The following REC114 variants were observed in gnomAD, a reference collection of about 807,000 sequenced individuals.
The protein encoded by REC114 is REC114 meiotic recombination protein.
A neutral mutation model predicts 31.3 loss-of-function variants in REC114; 27 were observed. The ratio of observed to expected loss-of-function variants is 0.86; its 90% confidence interval spans 0.64 to 1.19. REC114 has a LOEUF of 1.19. Ranked by LOEUF, REC114 falls within the 50% of genes most tolerant of loss-of-function variation. The pLI is 0.00. For synonymous variants in REC114, 134 were observed against 127.7 expected (o/e 1.05, Z -0.33); for missense variants, 344 against 326.9 (o/e 1.05, Z -0.40).
chr15:73,558,621 T>C (rs1042556308), intron 5 of REC114, among the ~76,000 whole-genome samples: 3 of 152,212 alleles, frequency 2.0e-5, no homozygotes, highest in Admixed American at 6.5e-5. Flanking sequence ...TGCAAACTTA[T>C]TAGAATGCCT....
At chr15:73,542,311 A>G (rs748268560) in intron 3 of REC114, among the ~76,000 whole-genome samples, 34 of 148,820 alleles carry the variant, frequency 2.3e-4, no homozygotes, top group Non-Finnish European at 4.6e-4. Context: ...AGCATGGGCA[A>G]CAGAGCAAGA....
chr15:73,479,332 A>T (rs1893261250), intron 2 of REC114, among the ~76,000 whole-genome samples: 1 of 150,282 alleles, frequency 6.7e-6, no homozygotes, highest in Admixed American at 6.6e-5. Context: ...TAATATACAT[A>T]TAATTAAGGT....
At chr15:73,503,449 GA>G (rs979580931) in intron 2 of REC114, among the ~76,000 whole-genome samples, 2 of 151,712 alleles carry the variant, frequency 1.3e-5, no homozygotes, top group South Asian at 2.1e-4. Context: ...ATATTTACAG[GA>G]AAAAAAAGTG....
intron 4 of REC114, among the ~76,000 whole-genome samples, chr15:73,551,681 A>C (rs138427998): frequency 2.6e-5 from 4 of 152,304 alleles, no homozygotes; most frequent in Non-Finnish European, 5.9e-5. Flanking sequence ...TGACATTTGT[A>C]TTTTGAACTA....
chr15:73,546,186 T>TA (rs755623161), intron 3 of REC114, among the ~76,000 whole-genome samples: 5 of 151,924 alleles, frequency 3.3e-5, no homozygotes, highest in Non-Finnish European at 7.4e-5. Flanking sequence ...ATGAAATTTT[T>TA]AAAAAACTAT....
chr15:73,484,766 AAC>A (rs1201546402), intron 2 of REC114, among the ~76,000 whole-genome samples: 15 of 152,220 alleles, frequency 9.9e-5, no homozygotes, highest in Non-Finnish European at 2.2e-4. Context: ...TTATGCCTGA[AAC>A]ACAGAATGGT....
chr15:73,559,218 G>C (rs1011794981), intron 5 of REC114, among the ~76,000 whole-genome samples: 1 of 152,154 alleles, frequency 6.6e-6, no homozygotes, highest in African/African-American at 2.4e-5. Flanking sequence ...TTTGATTGTG[G>C]TGACAGTTAC....
chr15:73,505,061 G>T (rs1214037661), intron 2 of REC114, among the ~76,000 whole-genome samples: 1 of 151,512 alleles, frequency 6.6e-6, no homozygotes, highest in Non-Finnish European at 1.5e-5. Flanking sequence ...TTATCTGCTT[G>T]GGAAACATGT....
intron 1 of REC114, among the ~76,000 whole-genome samples, chr15:73,445,078 G>T (rs932044255): frequency 5.3e-5 from 8 of 152,150 alleles, no homozygotes; most frequent in African/African-American, 1.9e-4. Flanking sequence ...AGGCTTTGTT[G>T]TTCTATTTAT....
At chr15:73,547,969 G>A (rs1894333896) in intron 3 of REC114, among the ~76,000 whole-genome samples, 1 of 151,768 alleles carries the variant, frequency 6.6e-6, no homozygotes, top group South Asian at 2.1e-4. Flanking sequence ...TATCAACAAA[G>A]TAAACACAAA....
chr15:73,509,504 G>A (rs1481341477), intron 2 of REC114, among the ~76,000 whole-genome samples: 1 of 150,536 alleles, frequency 6.6e-6, no homozygotes, highest in African/African-American at 2.5e-5. Context: ...TTTTGGACAT[G>A]AAGTCCTTGC....
chr15:73,498,198 A>ATATC (rs1308369900), intron 2 of REC114, among the ~76,000 whole-genome samples: 1 of 151,472 alleles, frequency 6.6e-6, no homozygotes, highest in East Asian at 1.9e-4. Context: ...GTCTTTTTAG[A>ATATC]TACCTATGAC....
intron 2 of REC114, among the ~76,000 whole-genome samples, chr15:73,479,454 G>A (rs1042858874): frequency 3.3e-5 from 5 of 151,986 alleles, no homozygotes; most frequent in Admixed American, 3.3e-4. Flanking sequence ...GAATATTTAA[G>A]ATCTATTCTA....
At chr15:73,445,856 TA>T (rs1207441855) in intron 1 of REC114, among the ~76,000 whole-genome samples, 1 of 152,092 alleles carries the variant, frequency 6.6e-6, no homozygotes. Context: ...ATAATAATAA[TA>T]ATAATGAAAA....
chr15:73,489,647 T>A (rs531134840), intron 2 of REC114, among the ~76,000 whole-genome samples: 24 of 152,026 alleles, frequency 1.6e-4, no homozygotes, highest in Non-Finnish European at 2.9e-4. Flanking sequence ...AATTCTATTA[T>A]ATTATTATTA....
At chr15:73,462,908 T>G (rs1385266124) in intron 1 of REC114, among the ~76,000 whole-genome samples, 1 of 129,484 alleles carries the variant, frequency 7.7e-6, no homozygotes, top group Non-Finnish European at 1.6e-5. Context: ...AAAAAAAAAA[T>G]TACCACTTAC....
At chr15:73,471,239 A>G (rs1195228895) in intron 1 of REC114, among the ~76,000 whole-genome samples, 2 of 152,180 alleles carry the variant, frequency 1.3e-5, no homozygotes, top group Admixed American at 1.3e-4. Context: ...GACAAGACCT[A>G]TAAGAAGTGG....
At chr15:73,486,166 C>T (rs192481973) in intron 2 of REC114, among the ~76,000 whole-genome samples, 1 of 152,230 alleles carries the variant, frequency 6.6e-6, no homozygotes, top group East Asian at 1.9e-4. Context: ...GGCGCAATCT[C>T]GGCTCACTGC....
intron 2 of REC114, among the ~76,000 whole-genome samples, chr15:73,493,538 C>G (rs1345981957): frequency 6.6e-6 from 1 of 151,642 alleles, no homozygotes; most frequent in Admixed American, 6.6e-5. Context: ...TTTATTTATC[C>G]TCATGCATGG....
Sources: gnomAD v4.1 joint callset for allele counts (sites outside exome capture counted in the v4.1 genomes callset) on GRCh38, gnomAD v4.1.1 for gene constraint, MANE v1.5 for transcripts, NCBI Gene and HGNC (gene_info 2026-07-23, HGNC 2026-07-21) for gene names.